The following ZNF407 variants were observed in gnomAD, a reference collection of about 807,000 sequenced individuals.
The protein encoded by ZNF407 is zinc finger protein 407.
ZNF407 carries 17 observed loss-of-function variants against 131.2 expected under a neutral mutation model. That is an observed-to-expected ratio of 0.13 (90% CI 0.09 to 0.19). The LOEUF is 0.19. ZNF407 is among the 10% of genes least tolerant of loss of function. ZNF407 has a pLI of 1.00. For missense variants in ZNF407, 2,681 were observed against 2,830.6 expected, an observed-to-expected ratio of 0.95 and a Z score of 1.20; for synonymous variants, 1,156 against 1,062.0, an observed-to-expected ratio of 1.09 and a Z score of -1.72.
At chr18:74,958,976 C>G (rs1017711184) in intron 8 of ZNF407, among the ~76,000 whole-genome samples, 1 of 152,092 alleles carries the variant, frequency 6.6e-6, no homozygotes, top group Non-Finnish European at 1.5e-5. Context: ...TTGGATGATG[C>G]CTTTAATAAC....
intron 8 of ZNF407, among the ~76,000 whole-genome samples, chr18:75,005,712 A>ACCCC (rs1972901864): frequency 4.1e-5 from 1 of 24,636 alleles, no homozygotes; most frequent in East Asian, 2.6e-3. Flanking sequence ...CCCCCCACCC[A>ACCCC]CCCCCCGCCG....
In ZNF407 at chr18:75,000,827, G is replaced by A. The variant is rs1185425279; in HGVS notation, c.5429-62323G>A. 3.3e-5 allele frequency among the ~76,000 whole-genome samples: 5 copies of A among 152,094 alleles called. No individual in the cohort carries two copies. The East Asian group carries it at 7.7e-4, about 23-fold the overall frequency. ...ATATAAACTAGGATGAAGTAATTGT[G>A]CTTCACCTGAAAGATCATACATATG... On this transcript the variant is annotated intron_variant, in intron 8 of 8. Transcript: ENST00000299687.
chr18:74,907,524 G>T (rs190689541), intron 7 of ZNF407, among the ~76,000 whole-genome samples: 1 of 152,102 alleles, frequency 6.6e-6, no homozygotes, highest in South Asian at 2.1e-4. Flanking sequence ...GTACATGGTC[G>T]GGGAAATGGC....
chr18:75,023,236 C>G (rs1973132714), intron 8 of ZNF407, among the ~76,000 whole-genome samples: 1 of 152,044 alleles, frequency 6.6e-6, no homozygotes. Context: ...CTTAATACAC[C>G]ATGTTACCTG....
At chr18:74,727,038 A>G (rs948717564) in intron 3 of ZNF407, among the ~76,000 whole-genome samples, 2 of 152,204 alleles carry the variant, frequency 1.3e-5, no homozygotes, top group Non-Finnish European at 2.9e-5. Flanking sequence ...TCAACAATTA[A>G]GATTAATTTA....
Position 75,064,720 on chromosome 18 carries a change from C to T in ZNF407, c.*252C>T. On this transcript the variant is annotated 3_prime_UTR_variant, in exon 9 of 9. Coordinates refer to ENST00000299687, the MANE Select transcript of ZNF407 (RefSeq NM_017757.3). ...GGCCGGGCGCAGGCCGCACAGGGAG[C>T]TCCGGTCCACTGGGGGCCCTTCGAT... 5.0e-6 allele frequency: 2 copies of T among 403,726 alleles called. No individual in the cohort carries two copies. The highest frequency in any genetic ancestry group is 8.8e-6 in the Non-Finnish European group (2 of 226,292). The allele number at this position is 403,726 out of a possible 1,614,324, so 25.0% of individuals were successfully genotyped here.
At chr18:74,919,666 G>A (rs1971820167) in intron 7 of ZNF407, among the ~76,000 whole-genome samples, 1 of 152,024 alleles carries the variant, frequency 6.6e-6, no homozygotes, top group South Asian at 2.1e-4. Flanking sequence ...TTTTATTACT[G>A]TTCTAAAAAT....
intron 3 of ZNF407, among the ~76,000 whole-genome samples, chr18:74,715,660 T>TA (rs1234867870): frequency 7.9e-5 from 12 of 152,094 alleles, no homozygotes; most frequent in African/African-American, 2.2e-4. Context: ...CAACATTTTT[T>TA]AAAAAAAATT....
At chr18:74,925,533 A>G (rs1971902364) in intron 8 of ZNF407, among the ~76,000 whole-genome samples, 1 of 152,246 alleles carries the variant, frequency 6.6e-6, no homozygotes, top group African/African-American at 2.4e-5. Context: ...GTCATTAATT[A>G]GAACCATTAG....
chr18:74,642,322 G>A (rs1984760766), intron 3 of ZNF407, among the ~76,000 whole-genome samples: 2 of 152,028 alleles, frequency 1.3e-5, no homozygotes. Flanking sequence ...GCAAGGGTCA[G>A]GTGTCAAATG....
At chr18:74,701,345 A>G (rs938038705) in intron 3 of ZNF407, among the ~76,000 whole-genome samples, 4 of 152,230 alleles carry the variant, frequency 2.6e-5, no homozygotes, top group African/African-American at 9.6e-5. Flanking sequence ...AGAAATAACT[A>G]TTATTGCAAA....
chr18:75,045,499 C>T (rs1030174555), intron 8 of ZNF407, among the ~76,000 whole-genome samples: 3 of 152,150 alleles, frequency 2.0e-5, no homozygotes, highest in Non-Finnish European at 4.4e-5. Flanking sequence ...GCTAAAGTTT[C>T]GTGAAATGAA....
At chr18:74,614,919 C>T (rs1048095534) in intron 1 of ZNF407, among the ~76,000 whole-genome samples, 3 of 152,226 alleles carry the variant, frequency 2.0e-5, no homozygotes, top group Non-Finnish European at 4.4e-5. Context: ...ATGGCTAGCT[C>T]TCCACCCACT....
At chr18:75,011,152 T>G (rs1051374673) in intron 8 of ZNF407, among the ~76,000 whole-genome samples, 1 of 152,164 alleles carries the variant, frequency 6.6e-6, no homozygotes, top group African/African-American at 2.4e-5. Context: ...ACTCGATATT[T>G]TAAATTTACC....
In ZNF407 at chr18:74,901,458, A is replaced by G. The variant is rs993449596; in HGVS notation, c.5249+11420A>G. Among the ~76,000 whole-genome samples the G allele has an allele frequency of 2.0e-5, 3 of 152,204 alleles. No homozygotes were observed. In the South Asian group the frequency reaches 6.2e-4, roughly 31 times the overall value. ...AGAAATAATCACCACAGTGCTCCTAAAGTAGGTTACTTCTAGCATCGGTGA... is the reference window on the plus strand; with the variant it reads ...AGAAATAATCACCACAGTGCTCCTAGAGTAGGTTACTTCTAGCATCGGTGA... On this transcript the variant is annotated intron_variant, in intron 7 of 8. Transcript: ENST00000299687.
intron 3 of ZNF407, among the ~76,000 whole-genome samples, chr18:74,757,674 G>A (rs897173192): frequency 1.3e-5 from 2 of 151,928 alleles, no homozygotes; most frequent in East Asian, 3.9e-4. Context: ...GTACCTTGTT[G>A]TTCAAATCTT....
intron 3 of ZNF407, among the ~76,000 whole-genome samples, chr18:74,712,960 T>C (rs991911203): frequency 1.3e-5 from 2 of 152,188 alleles, no homozygotes; most frequent in East Asian, 1.9e-4. Context: ...AGATTTTTTC[T>C]TAGAAGATGG....
At chr18:75,047,365 C>A (rs969765372) in intron 8 of ZNF407, among the ~76,000 whole-genome samples, 1 of 152,206 alleles carries the variant, frequency 6.6e-6, no homozygotes, top group Non-Finnish European at 1.5e-5. Flanking sequence ...TCCAGGGCTG[C>A]CGTACGAGTG....
chr18:74,932,002 A>G (rs1399164275), intron 8 of ZNF407, among the ~76,000 whole-genome samples: 1 of 152,076 alleles, frequency 6.6e-6, no homozygotes, highest in Non-Finnish European at 1.5e-5. Flanking sequence ...GCCTCTTAAC[A>G]GTGTGTTTCA....
Sources: gnomAD v4.1 joint callset for allele counts (sites outside exome capture counted in the v4.1 genomes callset) on GRCh38, gnomAD v4.1.1 for gene constraint, MANE v1.5 for transcripts, NCBI Gene and HGNC (gene_info 2026-07-23, HGNC 2026-07-21) for gene names.